ATP8A1: variants seen among roughly 807,000 people sequenced by gnomAD.
The protein encoded by ATP8A1 is phospholipid-transporting ATPase IA.
A neutral mutation model predicts 177.7 loss-of-function variants in ATP8A1; 90 were observed. The observed-to-expected ratio is 0.51, with a 90% confidence interval of 0.43 to 0.60. ATP8A1 has a LOEUF of 0.60. Among genes scored for constraint, ATP8A1 ranks in the 20% least tolerant of loss-of-function variants. The pLI is 0.00. For missense variants in ATP8A1, 1,072 were observed against 1,392.8 expected (o/e 0.77, Z 3.67); for synonymous variants, 493 against 485.9 (o/e 1.01, Z -0.19).
chr4:42,564,005 G>C (rs1402691555), intron 15 of ATP8A1, among the ~76,000 whole-genome samples: 1 of 152,208 alleles, frequency 6.6e-6, no homozygotes, highest in Non-Finnish European at 1.5e-5. Flanking sequence ...TGAGGCAGGA[G>C]AATCACTTGA....
chr4:42,584,696 T>G (rs1172331965), intron 9 of ATP8A1, among the ~76,000 whole-genome samples: 1 of 152,212 alleles, frequency 6.6e-6, no homozygotes, highest in East Asian at 1.9e-4. Context: ...TACCCTTTCA[T>G]TCTCAGTTAT....
At chr4:42,650,515 T>A in intron 1 of ATP8A1, among the ~76,000 whole-genome samples, 1 of 152,202 alleles carries the variant, frequency 6.6e-6, no homozygotes. Flanking sequence ...TGGAATAGCG[T>A]CCTAAAATTT....
At chr4:42,540,006 T>C (rs562064401) in intron 20 of ATP8A1, among the ~76,000 whole-genome samples, 52 of 152,186 alleles carry the variant, frequency 3.4e-4, no homozygotes, top group African/African-American at 1.2e-3. Context: ...GTGAAGAGAA[T>C]CTGTTGAATA....
chr4:42,646,272 C>A (rs115164064), intron 1 of ATP8A1, among the ~76,000 whole-genome samples: 7 of 152,222 alleles, frequency 4.6e-5, no homozygotes, highest in Non-Finnish European at 8.8e-5. Flanking sequence ...GCAGGCCCCC[C>A]CATCCTGGAG....
At chr4:42,573,243 C>T (rs955282570) in intron 14 of ATP8A1, among the ~76,000 whole-genome samples, 1 of 152,030 alleles carries the variant, frequency 6.6e-6, no homozygotes, top group Non-Finnish European at 1.5e-5. Context: ...ATTAAACAGG[C>T]CATTGTGGAA....
intron 18 of ATP8A1, among the ~76,000 whole-genome samples, chr4:42,550,803 C>A (rs1487558646): frequency 1.3e-5 from 2 of 152,160 alleles, no homozygotes; most frequent in African/African-American, 4.8e-5. Flanking sequence ...ATTGGCCATC[C>A]ATATAGCTTC....
chr4:42,656,701 C>T (rs747861022), intron 1 of ATP8A1, 124 bp downstream of exon 1: 2 of 1,178,632 alleles, frequency 1.7e-6, no homozygotes, highest in East Asian at 3.1e-5. Context: ...AGGGGCCGGG[C>T]GCGACAGTCG....
intron 25 of ATP8A1, among the ~76,000 whole-genome samples, chr4:42,483,670 C>T (rs573212862): frequency 3.3e-5 from 5 of 152,244 alleles, no homozygotes; most frequent in African/African-American, 1.2e-4. Flanking sequence ...ACTCTGCTTT[C>T]TAGTTTTTTC....
intron 20 of ATP8A1, among the ~76,000 whole-genome samples, chr4:42,540,553 T>TA (rs147451489): frequency 0.3 from 42,228 of 142,380 alleles, 6,084 homozygotes; most frequent in South Asian, 0.42. Flanking sequence ...GACCAATAGA[T>TA]AAAAAAAAAA....
intron 4 of ATP8A1, among the ~76,000 whole-genome samples, chr4:42,623,009 C>CAAAAAAAAAA (rs200111147): frequency 3.5e-4 from 41 of 115,928 alleles, no homozygotes; most frequent in South Asian, 1.2e-3. Context: ...AACTCTGTCT[C>CAAAAAAAAAA]AAAAAAAAAA....
Position 42,656,972 on chromosome 4 carries a change from T to A in ATP8A1, c.-99A>T, listed in dbSNP as rs962934792. On this transcript the variant is annotated 5_prime_UTR_variant, in exon 1 of 37. Coordinates refer to ENST00000381668, the MANE Select transcript of ATP8A1 (RefSeq NM_006095.2). ...GGCTGCGCCGCGCAGAGCGCTCAGC[T>A]GCAGCCTGGGCCGCGCCGCCGCCCA... 1.1e-5 allele frequency: 14 copies of A among 1,247,098 alleles called. No individual in the cohort carries two copies. The African/African-American group carries it at 1.6e-4, about 14-fold the overall frequency. The allele number at this position is 1,247,098 out of a possible 1,614,324, so 77.3% of individuals were successfully genotyped here.
At position 42,555,967 on chromosome 4, in the gene ATP8A1, C is replaced by CA. The variant is rs759871377; in HGVS notation, c.1413dup (p.Pro472SerfsTer8). 1 of 1,596,914 alleles carries CA rather than the reference C, an allele frequency of 6.3e-7. No individual in the cohort carries two copies. The highest frequency in any genetic ancestry group is 2.3e-5 in the East Asian group (1 of 44,336). On this transcript the variant is annotated frameshift_variant and splice_region_variant. Coordinates refer to ENST00000381668, the MANE Select transcript of ATP8A1 (RefSeq NM_006095.2). LOFTEE classifies it high-confidence loss of function. The stretch of plus-strand genomic sequence containing the variant: ...AAAGACAATGGTTTTATGTAACTTA[C>CA]ATGATTATTTTGGAGATTTTCCAGC...
intron 30 of ATP8A1, among the ~76,000 whole-genome samples, chr4:42,451,544 C>A (rs1043628031): frequency 2.6e-5 from 4 of 152,074 alleles, no homozygotes; most frequent in African/African-American, 9.7e-5. Context: ...CCAAGATGAA[C>A]ATAAAAACAT....
intron 1 of ATP8A1, among the ~76,000 whole-genome samples, chr4:42,656,231 G>C (rs1015949889): frequency 1.3e-5 from 2 of 152,214 alleles, no homozygotes; most frequent in African/African-American, 4.8e-5. Flanking sequence ...TGGCCGAAGT[G>C]AGGGTTTCGG....
chr4:42,541,710 A>C (rs1464917215), intron 20 of ATP8A1, among the ~76,000 whole-genome samples: 1 of 152,204 alleles, frequency 6.6e-6, no homozygotes, highest in African/African-American at 2.4e-5. Flanking sequence ...CTCTCAAGCC[A>C]TGAAAAGACA....
In ATP8A1 at chr4:42,464,723, G is replaced by T; in HGVS notation, c.2586C>A (p.Cys862Ter). 1 of 1,610,864 alleles carries T rather than the reference G, an allele frequency of 6.2e-7. No homozygotes were observed. Among genetic ancestry groups the T allele is most frequent in the Non-Finnish European group, 8.5e-7 (1 of 1,177,352 alleles). The change falls in exon 27 of 37, where the codon TGC becomes TGA. Residue 862 changes from cysteine (C) to a stop codon, truncating the protein, a stop_gained. Transcript: ENST00000381668. LOFTEE classifies it high-confidence loss of function. ...TATAGAGCACTATATTCTTGTAGAA[G>T]CAGTATAAGATGCACTTGGAGACTC... ...YNRVSKCILY[C>*]FYKNIVLYII...
At chr4:42,464,827 T>C (rs1719555376) in intron 26 of ATP8A1, 27 bp from the exon 27 acceptor site, 3 of 1,611,354 alleles carry the variant, frequency 1.9e-6, no homozygotes, top group Non-Finnish European at 2.5e-6. Context: ...AAAAAATTAG[T>C]ATTTTCCTTT....
chr4:42,656,484 C>T (rs1181535320), intron 1 of ATP8A1, among the ~76,000 whole-genome samples: 1 of 149,826 alleles, frequency 6.7e-6, no homozygotes, highest in Non-Finnish European at 1.5e-5. Context: ...GAGGCAGGGG[C>T]GGCGGGCTGG....
chr4:42,578,791 A>T (rs1001653801), intron 11 of ATP8A1, among the ~76,000 whole-genome samples: 3 of 152,160 alleles, frequency 2.0e-5, no homozygotes, highest in Non-Finnish European at 4.4e-5. Context: ...AGACAGCAGC[A>T]GCAAAAACAA....
Sources: allele counts gnomAD v4.1 joint callset (sites outside exome capture counted in the v4.1 genomes callset), GRCh38; gene constraint gnomAD v4.1.1; transcripts MANE v1.5; gene names NCBI Gene and HGNC (gene_info 2026-07-23, HGNC 2026-07-21).